The following CLIC5 variants were observed in gnomAD, a reference collection of about 807,000 sequenced individuals.
CLIC5 encodes chloride intracellular channel protein 5.
CLIC5 carries 20 observed loss-of-function variants against 24.7 expected under a neutral mutation model. The ratio of observed to expected loss-of-function variants is 0.81; its 90% confidence interval spans 0.57 to 1.18. The LOEUF is 1.18. Among genes scored for constraint, CLIC5 ranks in the 50% most tolerant of loss-of-function variants. CLIC5 has a pLI of 0.00. For missense variants in CLIC5, 341 were observed against 326.1 expected (o/e 1.05, Z -0.35); for synonymous variants, 159 against 135.6 (o/e 1.17, Z -1.20).
At chr6:46,088,682 A>G in the CLIC5 span, among the ~76,000 whole-genome samples, 1 of 152,216 alleles carries the variant, frequency 6.6e-6, no homozygotes, top group African/African-American at 2.4e-5. Flanking sequence ...TATAATGTGT[A>G]TACATTAAAT....
upstream of CLIC5, among the ~76,000 whole-genome samples, chr6:46,082,161 G>A (rs1040125475): frequency 6.6e-6 from 1 of 152,014 alleles, no homozygotes; most frequent in Non-Finnish European, 1.5e-5. Context: ...ACTGGATTCT[G>A]TTTCATTCTG....
chr6:46,046,640 T>G (rs994859673), intron 1 of CLIC5, among the ~76,000 whole-genome samples: 1 of 152,214 alleles, frequency 6.6e-6, no homozygotes, highest in African/African-American at 2.4e-5. Context: ...TAAAGTCCAC[T>G]TGAAACCATG....
At chr6:46,102,512 A>G in the CLIC5 span, 1 of 152,336 alleles carries the variant, frequency 6.6e-6, no homozygotes. Context: ...GGCTTTGGGG[A>G]AAAGGGATTC....
At chr6:46,116,037 T>C in the CLIC5 span, among the ~76,000 whole-genome samples, 1 of 152,190 alleles carries the variant, frequency 6.6e-6, no homozygotes, top group East Asian at 1.9e-4. Flanking sequence ...TGTTAGAACA[T>C]GTGAGAGTGG....
intron 1 of CLIC5, among the ~76,000 whole-genome samples, chr6:45,977,821 T>A (rs1486807351): frequency 6.6e-6 from 1 of 152,230 alleles, no homozygotes; most frequent in African/African-American, 2.4e-5. Context: ...TCTATTAGAA[T>A]TATGTTGTGT....
At chr6:45,973,146 A>G (rs572507712) in intron 1 of CLIC5, among the ~76,000 whole-genome samples, 3 of 152,172 alleles carry the variant, frequency 2.0e-5, no homozygotes, top group Non-Finnish European at 4.4e-5. Context: ...GAGCATGTTC[A>G]TCTCGAACAG....
intron 4 of CLIC5, 160 bp from the exon 5 acceptor site, chr6:45,914,569 C>T (rs1017912175): frequency 3.2e-6 from 4 of 1,240,340 alleles, no homozygotes; most frequent in Admixed American, 4.1e-5. Flanking sequence ...TAACACAATG[C>T]AGTAGAAGTG....
the CLIC5 span, among the ~76,000 whole-genome samples, chr6:46,088,854 C>T: frequency 2.0e-4 from 31 of 152,084 alleles, no homozygotes; most frequent in Admixed American, 1.8e-3. Flanking sequence ...AGTGATCGTC[C>T]CAACAAATCA....
At chr6:46,120,379 T>C in the CLIC5 span, among the ~76,000 whole-genome samples, 1 of 152,218 alleles carries the variant, frequency 6.6e-6, no homozygotes, top group Non-Finnish European at 1.5e-5. Flanking sequence ...GTCCTGACTG[T>C]TAAAGGGAAA....
chr6:46,122,600 T>C, the CLIC5 span, among the ~76,000 whole-genome samples: 1 of 151,010 alleles, frequency 6.6e-6, no homozygotes. Context: ...CTGAAGGAGA[T>C]AGAGACACAA....
At chr6:46,028,521 G>T (rs1192991489) in intron 1 of CLIC5, among the ~76,000 whole-genome samples, 1 of 152,216 alleles carries the variant, frequency 6.6e-6, no homozygotes, top group African/African-American at 2.4e-5. Flanking sequence ...GTACATGCAT[G>T]ATTATACCTC....
intron 1 of CLIC5, among the ~76,000 whole-genome samples, chr6:46,043,454 C>T (rs1358822432): frequency 6.6e-6 from 1 of 152,146 alleles, no homozygotes; most frequent in Non-Finnish European, 1.5e-5. Context: ...AATGATAGGG[C>T]TGGTGGTGAG....
chr6:45,911,871 A>G (rs1015045653), intron 5 of CLIC5: 16 of 985,372 alleles, frequency 1.6e-5, no homozygotes, highest in African/African-American at 1.7e-5. Context: ...TCATTTCTTC[A>G]CACATTGGCT....
In CLIC5 at chr6:45,941,538, G is replaced by A. The variant is rs1764130295; in HGVS notation, c.406+9C>T. 2 of 1,599,172 alleles carry A rather than the reference G, an allele frequency of 1.3e-6. No individual in the cohort carries two copies. Among genetic ancestry groups the A allele is most frequent in the South Asian group, 1.1e-5 (1 of 90,722 alleles). ...TGCCAAGGGTTCTTGGTGGAAGGGA[G>A]TCACTCACCAGCATTGTTCTGCTGC... On this transcript the variant is annotated intron_variant, in intron 4 of 5. Coordinates refer to ENST00000339561, the MANE Select transcript of CLIC5 (RefSeq NM_016929.5).
intron 6 of CLIC5, among the ~76,000 whole-genome samples, chr6:45,885,405 G>T (rs993620858): frequency 2.0e-5 from 3 of 152,048 alleles, no homozygotes; most frequent in African/African-American, 7.2e-5. Flanking sequence ...CCAGTCGATG[G>T]TACCTTATTA....
intron 1 of CLIC5, among the ~76,000 whole-genome samples, chr6:45,964,798 T>C (rs9472630): frequency 0.18 from 26,919 of 152,102 alleles, 3,920 homozygotes; most frequent in East Asian, 0.56. Flanking sequence ...TAAATGTTGT[T>C]ATTGTTTAAA....
At chr6:46,059,663 G>C (rs1762185355) in intron 1 of CLIC5, among the ~76,000 whole-genome samples, 1 of 152,194 alleles carries the variant, frequency 6.6e-6, no homozygotes, top group African/African-American at 2.4e-5. Flanking sequence ...CCATATTTTA[G>C]ATGAGGAAAA....
intron 1 of CLIC5, among the ~76,000 whole-genome samples, chr6:46,066,204 G>A (rs775328854): frequency 2.6e-5 from 4 of 152,108 alleles, no homozygotes; most frequent in African/African-American, 4.8e-5. Context: ...TATTCAAAGC[G>A]GGGGCAGGGG....
chr6:45,943,943 A>G (rs1243976495), intron 3 of CLIC5, among the ~76,000 whole-genome samples: 1 of 152,250 alleles, frequency 6.6e-6, no homozygotes. Context: ...GGAGGATACT[A>G]TATAGGATAA....
Sources: allele counts gnomAD v4.1 joint callset (sites outside exome capture counted in the v4.1 genomes callset), GRCh38; gene constraint gnomAD v4.1.1; transcripts MANE v1.5; gene names NCBI Gene and HGNC (gene_info 2026-07-23, HGNC 2026-07-21).